The following ITK variants were observed in gnomAD, a reference collection of about 807,000 sequenced individuals.
The protein encoded by ITK is tyrosine-protein kinase ITK/TSK.
In ITK, 45 loss-of-function variants were observed where a neutral mutation model predicts 87.6. The ratio of observed to expected loss-of-function variants is 0.51; its 90% confidence interval spans 0.40 to 0.66. The LOEUF (loss-of-function observed/expected upper bound fraction) is 0.66. Among genes scored for constraint, ITK ranks in the 30% least tolerant of loss-of-function variants. The probability of loss-of-function intolerance (pLI) is 0.00; values close to 1 mark genes in which losing one functional copy is unlikely to be tolerated. For missense variants in ITK, 605 were observed against 766.3 expected (o/e 0.79, Z 2.48); for synonymous variants, 303 against 273.6 (o/e 1.11, Z -1.06).
chr5:157,242,359 A>C (rs1368982225), intron 11 of ITK, among the ~76,000 whole-genome samples: 2 of 152,084 alleles, frequency 1.3e-5, no homozygotes, highest in African/African-American at 4.8e-5. Flanking sequence ...CTTATCTCCT[A>C]GCTTGGTGGT....
intron 1 of ITK, among the ~76,000 whole-genome samples, chr5:157,201,856 T>G (rs1346137229): frequency 2.6e-5 from 4 of 152,160 alleles, no homozygotes; most frequent in African/African-American, 9.7e-5. Flanking sequence ...TAACTTTTAT[T>G]TTAGGTTCAG....
chr5:157,195,874 G>A (rs1010426228), intron 1 of ITK: 6 of 152,178 alleles, frequency 3.9e-5, no homozygotes, highest in African/African-American at 1.4e-4. Flanking sequence ...AGGTTGGTCT[G>A]TTTCCAGTTT....
intron 6 of ITK, among the ~76,000 whole-genome samples, chr5:157,227,820 T>TC (rs1350398924): frequency 7.0e-6 from 1 of 143,352 alleles, no homozygotes; most frequent in African/African-American, 2.7e-5. Context: ...TTTTACCAAT[T>TC]CCTTTTTTTT....
chr5:157,225,521 A>G (rs1404182417), intron 6 of ITK, among the ~76,000 whole-genome samples: 1 of 152,154 alleles, frequency 6.6e-6, no homozygotes, highest in Non-Finnish European at 1.5e-5. Flanking sequence ...TACCTTTTAC[A>G]TACACCAGAA....
At chr5:157,217,089 C>G (rs1754313005) in intron 4 of ITK, among the ~76,000 whole-genome samples, 1 of 152,050 alleles carries the variant, frequency 6.6e-6, no homozygotes, top group Non-Finnish European at 1.5e-5. Flanking sequence ...GCCCCAGACA[C>G]AGCCACACAC....
intron 11 of ITK, among the ~76,000 whole-genome samples, chr5:157,242,044 CT>C (rs1234891802): frequency 1.7e-4 from 26 of 152,316 alleles, no homozygotes; most frequent in African/African-American, 5.8e-4. Context: ...TGCCTTAGCA[CT>C]GTGTTTCCAC....
rs1754980467 is a variant in ITK at position 157,244,435 on chromosome 5, GC to G, written c.1407del (p.Met470TrpfsTer34). 6.2e-7 allele frequency: 1 copy of G among 1,613,602 alleles called. No individual in the cohort carries two copies. The highest frequency in any genetic ancestry group is 1.3e-5 in the African/African-American group (1 of 74,920). ...LLGMCLDVCE[G>X]MAYLEEACVI... is the part of the protein sequence containing the mutation. ...GGCATGTGTCTGGATGTGTGTGAGG[GC>G]ATGGCCTACCTGGAAGAGGCATGTG... is the stretch of plus-strand genomic sequence containing the variant. On this transcript the variant is annotated frameshift_variant, in exon 13 of 17. Coordinates refer to ENST00000422843, the MANE Select transcript of ITK (RefSeq NM_005546.4). LOFTEE classifies it high-confidence loss of function.
intron 8 of ITK, among the ~76,000 whole-genome samples, chr5:157,236,672 G>A (rs961848343): frequency 3.9e-5 from 6 of 152,260 alleles, no homozygotes; most frequent in South Asian, 2.1e-4. Context: ...AGTTTACAGC[G>A]GGGTAGGAAC....
intron 1 of ITK, among the ~76,000 whole-genome samples, chr5:157,181,788 CA>C (rs1362616481): frequency 3.3e-5 from 5 of 152,338 alleles, no homozygotes; most frequent in Middle Eastern, 3.4e-3. Flanking sequence ...GGTTCTTACC[CA>C]GAAGGAGTAT....
At chr5:157,195,197 C>T (rs1580877307) in intron 1 of ITK, 1 of 152,238 alleles carries the variant, frequency 6.6e-6, no homozygotes, top group South Asian at 2.1e-4. Context: ...CCACATTTCT[C>T]TCAATCCAAG....
chr5:157,196,424 A>G lies in ITK; in HGVS notation c.139-12465A>G, dbSNP rs191135923. Among the ~76,000 whole-genome samples, 221 of 152,316 alleles carry G rather than the reference A, an allele frequency of 1.5e-3. 1 individual carries two copies. The highest frequency in any genetic ancestry group is 5.0e-3 in the African/African-American group (206 of 41,578). On this transcript the variant is annotated intron_variant, in intron 1 of 16. Transcript: ENST00000422843. ...TTTGCATTTCTGTTGTTATAGTGAC[A>G]TTAAGCATCTTTCCATATGCTTAAA...
rs1298352455 is a variant in ITK at position 157,222,624 on chromosome 5, T to G, written c.496-239T>G. ...AGTGCAGATAGAGAAACCAGCAGAC[T>G]TTTGTGAAAATCACGTGGCTGCTTG... is the stretch of plus-strand genomic sequence containing the variant. On this transcript the variant is annotated intron_variant, in intron 5 of 16. Transcript: ENST00000422843. The G allele has an allele frequency of 7.3e-6, 4 of 550,692 alleles. No individual in the cohort carries two copies. The East Asian group carries it at 1.3e-4, about 18-fold the overall frequency. 34.1% of individuals were successfully genotyped at this position (550,692 alleles called of 1,614,324 possible).
chr5:157,246,108 G>A, intron 15 of ITK, 109 bp downstream of exon 15: 1 of 827,666 alleles, frequency 1.2e-6, no homozygotes, highest in Non-Finnish European at 2.1e-6. Flanking sequence ...ATCATATCAT[G>A]AGGGTGTCCC....
At position 157,217,210 on chromosome 5, in the gene ITK, G is replaced by T. The variant is rs140041280; in HGVS notation, c.455-657G>T. Among the ~76,000 whole-genome samples the T allele has an allele frequency of 3.2e-3, 490 of 152,184 alleles. 6 individuals are homozygous for T. The highest frequency in any genetic ancestry group is 0.011 in the African/African-American group (468 of 41,518). ...GAGAGAGAGAAAGAGAAAGAGAGAG[G>T]AGAAGAGAAGAGAAAGGAGGAAAGA... is the stretch of plus-strand genomic sequence containing the variant. On this transcript the variant is annotated intron_variant, in intron 4 of 16. Coordinates refer to ENST00000422843, the MANE Select transcript of ITK (RefSeq NM_005546.4).
chr5:157,222,099 A>G (rs992699899), intron 5 of ITK, among the ~76,000 whole-genome samples: 10 of 152,186 alleles, frequency 6.6e-5, no homozygotes, highest in African/African-American at 2.4e-4. Context: ...CAATGTACTC[A>G]GAGAACTTGT....
At chr5:157,228,385 G>A (rs1221642759) in intron 7 of ITK, 24 bp downstream of exon 7, 1 of 1,361,020 alleles carries the variant, frequency 7.3e-7, no homozygotes, top group South Asian at 1.2e-5. Flanking sequence ...TTTGTTTTTG[G>A]AAAATACAGT....
chr5:157,217,849 C>G lies in ITK; in HGVS notation c.455-18C>G. 1 of 1,612,890 alleles carries G rather than the reference C, an allele frequency of 6.2e-7. No individual in the cohort carries two copies. The highest frequency in any genetic ancestry group is 8.5e-7 in the Non-Finnish European group (1 of 1,179,050). On this transcript the variant is annotated intron_variant, in intron 4 of 16. Coordinates refer to ENST00000422843, the MANE Select transcript of ITK (RefSeq NM_005546.4). ...GTTTTCATGCTCATTTTTTCTTTTC[C>G]TGTTTTTCTCTTTTCAGCTTCAAAG... is the stretch of plus-strand genomic sequence containing the variant.
chr5:157,188,249 C>T (rs1753685100), intron 1 of ITK, among the ~76,000 whole-genome samples: 1 of 152,188 alleles, frequency 6.6e-6, no homozygotes, highest in Admixed American at 6.5e-5. Flanking sequence ...CTGTTATCCA[C>T]ACAACACCTA....
intron 1 of ITK, chr5:157,195,681 A>G (rs1450067938): frequency 6.6e-6 from 1 of 152,210 alleles, no homozygotes; most frequent in Non-Finnish European, 1.5e-5. Flanking sequence ...ATACTAATAA[A>G]CATTCTTCTT....
Sources: allele counts gnomAD v4.1 joint callset (sites outside exome capture counted in the v4.1 genomes callset), GRCh38; gene constraint gnomAD v4.1.1; transcripts MANE v1.5; gene names NCBI Gene and HGNC (gene_info 2026-07-23, HGNC 2026-07-21).